The following MRTFB variants were observed in gnomAD, a reference collection of about 807,000 sequenced individuals.
The protein encoded by MRTFB is myocardin-related transcription factor B.
Under a neutral mutation model 104.2 loss-of-function variants are expected in MRTFB, and 29 were observed. The ratio of observed to expected loss-of-function variants is 0.28; its 90% confidence interval spans 0.21 to 0.38. The LOEUF is 0.38. Among genes scored for constraint, MRTFB ranks in the 10% least tolerant of loss-of-function variants. MRTFB has a pLI of 1.00. For synonymous variants in MRTFB, 535 were observed against 519.5 expected (o/e 1.03, Z -0.41); for missense variants, 1,270 against 1,341.6 (o/e 0.95, Z 0.83).
Position 14,261,059 on chromosome 16 carries a change from G to T in MRTFB, c.2915G>T (p.Gly972Val), listed in dbSNP as rs1055251474. ...CCACCTGTATCTTTAGAACCTATGG[G>T]CAGTTTATCTGCCAGCTTAGAGAAC... ...MAPPVSLEPMGSLSASLENQL... is the reference protein window; with the variant it reads ...MAPPVSLEPMVSLSASLENQL... The change falls in exon 17 of 17, where the codon GGC (glycine) becomes GTC (valine). Residue 972 changes from glycine (G) to valine (V), a missense_variant. Transcript: ENST00000571589. 6.2e-7 allele frequency: 1 copy of T among 1,614,142 alleles called. No homozygotes were observed. The highest frequency in any genetic ancestry group is 8.5e-7 in the Non-Finnish European group (1 of 1,180,036).
intron 2 of MRTFB, among the ~76,000 whole-genome samples, chr16:14,124,957 C>A (rs544098168): frequency 6.6e-6 from 1 of 152,134 alleles, no homozygotes; most frequent in Non-Finnish European, 1.5e-5. Context: ...GTGTTTTCTG[C>A]GTACCTTGCT....
At chr16:14,108,582 T>C (rs1318827166) in intron 2 of MRTFB, among the ~76,000 whole-genome samples, 1 of 152,198 alleles carries the variant, frequency 6.6e-6, no homozygotes, top group African/African-American at 2.4e-5. Context: ...TTGGCCACTT[T>C]GTAGAAATTT....
intron 2 of MRTFB, among the ~76,000 whole-genome samples, chr16:14,107,681 C>T (rs2036057111): frequency 6.6e-6 from 1 of 152,158 alleles, no homozygotes; most frequent in Non-Finnish European, 1.5e-5. Flanking sequence ...GGGATAGATG[C>T]ATAGGTGAAA....
chr16:14,011,960 G>T, the MRTFB span, among the ~76,000 whole-genome samples: 1 of 152,308 alleles, frequency 6.6e-6, no homozygotes, highest in East Asian at 1.9e-4. Flanking sequence ...CCTTGGACAG[G>T]GATAGAGCAC....
chr16:14,075,349 G>T (rs748934226), intron 1 of MRTFB, among the ~76,000 whole-genome samples: 1 of 152,208 alleles, frequency 6.6e-6, no homozygotes, highest in South Asian at 2.1e-4. Flanking sequence ...CCATCAGCAC[G>T]TCAGCAGCAT....
At chr16:14,071,115 C>G (rs2033655218), upstream of MRTFB, among the ~76,000 whole-genome samples, 1 of 152,144 alleles carries the variant, frequency 6.6e-6, no homozygotes. Context: ...GCGGCCGCCT[C>G]GCACCTGGGC....
intron 3 of MRTFB, among the ~76,000 whole-genome samples, chr16:14,206,621 G>A (rs1298890538): frequency 6.6e-6 from 1 of 152,140 alleles, no homozygotes; most frequent in African/African-American, 2.4e-5. Context: ...GCAATGGCAC[G>A]ATCTCGGCTC....
the MRTFB span, among the ~76,000 whole-genome samples, chr16:14,046,557 C>A: frequency 6.6e-6 from 1 of 152,092 alleles, no homozygotes; most frequent in Non-Finnish European, 1.5e-5. Context: ...CTTGGCCTGC[C>A]CTTTGGAATA....
chr16:14,251,781 C>T (rs1172126759), intron 13 of MRTFB, 81 bp from the exon 14 acceptor site: 3 of 1,504,264 alleles, frequency 2.0e-6, no homozygotes, highest in Admixed American at 3.7e-5. Flanking sequence ...TTTGCTGACC[C>T]CTGTCCTAAA....
At chr16:14,224,201 C>T (rs1254585371) in intron 8 of MRTFB, among the ~76,000 whole-genome samples, 1 of 152,174 alleles carries the variant, frequency 6.6e-6, no homozygotes, top group African/African-American at 2.4e-5. Flanking sequence ...CCATGATTCC[C>T]ACCAGGCCCC....
At position 14,243,864 on chromosome 16, in the gene MRTFB, G is replaced by GTTTTTTTTTTTTT. The variant is rs56296807; in HGVS notation, c.1080-1663_1080-1651dup. On this transcript the variant is annotated intron_variant, in intron 10 of 16. Transcript: ENST00000571589. ...CAGAGATTAGTTTTGCCTGTTTTGG[G>GTTTTTTTTTTTTT]TTTTTTTTTTTTTGAGACAGAGTCT... Among the ~76,000 whole-genome samples the GTTTTTTTTTTTTT allele has an allele frequency of 1.2e-3, 155 of 124,618 alleles. 15 individuals are homozygous for GTTTTTTTTTTTTT. Among genetic ancestry groups the GTTTTTTTTTTTTT allele is most frequent in the African/African-American group, 5.4e-3 (142 of 26,450 alleles). The allele number at this position is 124,618 out of a possible 152,430, so 81.8% of individuals were successfully genotyped here.
intron 3 of MRTFB, among the ~76,000 whole-genome samples, chr16:14,196,050 G>C (rs549234381): frequency 2.6e-5 from 4 of 152,180 alleles, no homozygotes; most frequent in African/African-American, 9.7e-5. Context: ...CAGGCCCCTG[G>C]CTTGACAACA....
chr16:14,067,498 T>G (rs1166414288), upstream of MRTFB, among the ~76,000 whole-genome samples: 1 of 152,134 alleles, frequency 6.6e-6, no homozygotes, highest in Admixed American at 6.5e-5. Context: ...GCTGGGATTA[T>G]AGGTGTGAGC....
intron 3 of MRTFB, among the ~76,000 whole-genome samples, chr16:14,196,238 C>A (rs1259797802): frequency 6.6e-6 from 1 of 152,200 alleles, no homozygotes; most frequent in East Asian, 1.9e-4. Context: ...CTGTAAATTT[C>A]CAAAGCTGAG....
intron 3 of MRTFB, among the ~76,000 whole-genome samples, chr16:14,189,045 A>G (rs1472727459): frequency 1.3e-5 from 2 of 152,156 alleles, no homozygotes; most frequent in African/African-American, 4.8e-5. Context: ...AACAGACTAA[A>G]TATTTCTCCT....
At chr16:14,237,037 T>A (rs2042547181) in intron 9 of MRTFB, among the ~76,000 whole-genome samples, 1 of 152,190 alleles carries the variant, frequency 6.6e-6, no homozygotes, top group Non-Finnish European at 1.5e-5. Context: ...TGCCACGTCC[T>A]GTAATGGAAA....
intron 8 of MRTFB, among the ~76,000 whole-genome samples, chr16:14,228,861 G>C (rs1345974254): frequency 2.0e-5 from 3 of 152,092 alleles, no homozygotes; most frequent in Admixed American, 1.3e-4. Context: ...AAGATTCTTA[G>C]AGTAGTAAAA....
At chr16:14,123,356 A>T (rs1386219041) in intron 2 of MRTFB, among the ~76,000 whole-genome samples, 1 of 152,198 alleles carries the variant, frequency 6.6e-6, no homozygotes, top group Non-Finnish European at 1.5e-5. Flanking sequence ...AGTCCTTGCC[A>T]TGCCTATGTC....
the MRTFB span, among the ~76,000 whole-genome samples, chr16:14,022,011 A>T: frequency 6.0e-3 from 916 of 152,300 alleles, 15 homozygotes; most frequent in African/African-American, 0.021. Flanking sequence ...CTTCTGCCAC[A>T]TACCTCTGAC....
Sources: allele counts gnomAD v4.1 joint callset (sites outside exome capture counted in the v4.1 genomes callset), GRCh38; gene constraint gnomAD v4.1.1; transcripts MANE v1.5; gene names NCBI Gene and HGNC (gene_info 2026-07-23, HGNC 2026-07-21).